GALNT13: variants seen among roughly 807,000 people sequenced by gnomAD.
GALNT13 encodes polypeptide N-acetylgalactosaminyltransferase 13, also known as UDP-GalNAc:polypeptide N-acetylgalactosaminyltransferase 13.
Under a neutral mutation model 64.2 loss-of-function variants are expected in GALNT13, and 28 were observed. The observed-to-expected ratio is 0.44, with a 90% CI of 0.32 to 0.60. GALNT13 has a LOEUF of 0.60. GALNT13 is among the 20% of genes least tolerant of loss of function. GALNT13 has a pLI of 0.05. For synonymous variants in GALNT13, 214 were observed against 224.6 expected (o/e 0.95, Z 0.42); for missense variants, 577 against 669.8 (o/e 0.86, Z 1.53).
the GALNT13 span, among the ~76,000 whole-genome samples, chr2:153,774,755 A>G: frequency 6.6e-6 from 1 of 152,064 alleles, no homozygotes; most frequent in Non-Finnish European, 1.5e-5. Flanking sequence ...AAACTAAACT[A>G]AACAAAAAAA....
chr2:153,989,232 C>G (rs1574275620), intron 3 of GALNT13, among the ~76,000 whole-genome samples: 1 of 151,964 alleles, frequency 6.6e-6, no homozygotes, highest in East Asian at 1.9e-4. Flanking sequence ...CCTATATAAT[C>G]TAGAATCAAC....
intron 7 of GALNT13, among the ~76,000 whole-genome samples, chr2:154,251,236 C>T (rs551069588): frequency 7.3e-4 from 111 of 152,006 alleles, no homozygotes; most frequent in African/African-American, 2.6e-3. Flanking sequence ...TCCCAGCTGG[C>T]CCCATTGTTT....
the GALNT13 span, among the ~76,000 whole-genome samples, chr2:153,630,811 T>TA: frequency 1.3e-3 from 34 of 25,808 alleles, no homozygotes; most frequent in African/African-American, 2.7e-3. Flanking sequence ...ATATATATTT[T>TA]TTTTTTTTTT....
chr2:153,223,860 C>T, the GALNT13 span, among the ~76,000 whole-genome samples: 2 of 152,044 alleles, frequency 1.3e-5, no homozygotes, highest in African/African-American at 4.8e-5. Flanking sequence ...ATCCCAGCTA[C>T]TCAGGAGGCT....
intron 3 of GALNT13, among the ~76,000 whole-genome samples, chr2:153,951,698 A>G (rs1427082608): frequency 1.3e-5 from 2 of 152,126 alleles, no homozygotes; most frequent in Admixed American, 1.3e-4. Flanking sequence ...TATGCCTGTT[A>G]GGGCTCTGAA....
At chr2:154,179,840 A>G (rs1040429460) in intron 4 of GALNT13, among the ~76,000 whole-genome samples, 7 of 152,038 alleles carry the variant, frequency 4.6e-5, no homozygotes, top group Admixed American at 2.6e-4. Flanking sequence ...AAAAAAAAAA[A>G]AAAATCTTAA....
chr2:154,136,348 AATT>A (rs1254038100), intron 3 of GALNT13, among the ~76,000 whole-genome samples: 3 of 152,138 alleles, frequency 2.0e-5, no homozygotes, highest in Non-Finnish European at 4.4e-5. Flanking sequence ...AACAGAATAA[AATT>A]ATTACTTTAA....
chr2:153,785,805 GA>G, the GALNT13 span, among the ~76,000 whole-genome samples: 2 of 152,108 alleles, frequency 1.3e-5, no homozygotes, highest in Non-Finnish European at 2.9e-5. Flanking sequence ...GGGCGTGGGG[GA>G]TGCCATATTT....
At chr2:154,269,153 A>G (rs1691184076) in intron 8 of GALNT13, among the ~76,000 whole-genome samples, 2 of 152,120 alleles carry the variant, frequency 1.3e-5, no homozygotes, top group Non-Finnish European at 1.5e-5. Context: ...ATTGAACAGA[A>G]TAGTATGGTA....
intron 4 of GALNT13, among the ~76,000 whole-genome samples, chr2:154,211,273 C>G (rs1019540476): frequency 6.6e-6 from 1 of 152,026 alleles, no homozygotes; most frequent in South Asian, 2.1e-4. Flanking sequence ...ACTGTACTGA[C>G]TACGGTAGGC....
At chr2:153,600,551 A>C in the GALNT13 span, among the ~76,000 whole-genome samples, 101 of 151,884 alleles carry the variant, frequency 6.6e-4, 1 homozygote, top group Admixed American at 1.9e-3. Context: ...TCATTTTCCA[A>C]CTCCTGGGTC....
the GALNT13 span, among the ~76,000 whole-genome samples, chr2:153,163,845 C>T: frequency 1.3e-5 from 2 of 151,960 alleles, no homozygotes; most frequent in South Asian, 2.1e-4. Flanking sequence ...CGGTGAAACC[C>T]CATCTCTACT....
intron 3 of GALNT13, among the ~76,000 whole-genome samples, chr2:154,014,924 G>T (rs140716408): frequency 1.3e-5 from 2 of 151,972 alleles, no homozygotes; most frequent in Non-Finnish European, 2.9e-5. Flanking sequence ...GAGCCACCGC[G>T]CCCAGCCTCT....
rs569798251 is a variant in GALNT13, at chr2:154,413,877, A to G, written c.1395+4795A>G. ...TATTGTTTAACATACAATATTTATAAAAGTTCATTGTTATAAACCAGGCCC... is the reference window on the plus strand; with the variant it reads ...TATTGTTTAACATACAATATTTATAGAAGTTCATTGTTATAAACCAGGCCC... On this transcript the variant is annotated intron_variant, in intron 11 of 12. Coordinates refer to ENST00000392825, the MANE Select transcript of GALNT13 (RefSeq NM_052917.4). Among the ~76,000 whole-genome samples, 3 of 152,198 alleles carry G rather than the reference A, an allele frequency of 2.0e-5. No homozygotes were observed. In the East Asian group the frequency reaches 5.8e-4, roughly 29 times the overall value.
At chr2:153,100,656 T>C in the GALNT13 span, among the ~76,000 whole-genome samples, 1 of 152,228 alleles carries the variant, frequency 6.6e-6, no homozygotes, top group Non-Finnish European at 1.5e-5. Context: ...TATGTAAGTA[T>C]ATAAATGTCT....
At chr2:153,225,101 G>A in the GALNT13 span, among the ~76,000 whole-genome samples, 1 of 152,088 alleles carries the variant, frequency 6.6e-6, no homozygotes, top group Non-Finnish European at 1.5e-5. Context: ...TTAGAAGGAC[G>A]AATCCAACAA....
At chr2:154,095,585 C>G (rs980421327) in intron 3 of GALNT13, among the ~76,000 whole-genome samples, 3 of 151,710 alleles carry the variant, frequency 2.0e-5, no homozygotes, top group African/African-American at 7.3e-5. Context: ...TGCTTAATGC[C>G]TATGGTTTCC....
chr2:153,939,425 A>C (rs1490736032), intron 2 of GALNT13, among the ~76,000 whole-genome samples: 1 of 152,232 alleles, frequency 6.6e-6, no homozygotes, highest in African/African-American at 2.4e-5. Context: ...CAATTTATTT[A>C]ATCAAAAGTT....
chr2:153,215,199 G>C, the GALNT13 span, among the ~76,000 whole-genome samples: 1 of 151,996 alleles, frequency 6.6e-6, no homozygotes, highest in South Asian at 2.1e-4. Flanking sequence ...TCCCCCTCCA[G>C]CTTCTTGCTC....
Sources: gnomAD v4.1 joint callset for allele counts (sites outside exome capture counted in the v4.1 genomes callset) on GRCh38, gnomAD v4.1.1 for gene constraint, MANE v1.5 for transcripts, NCBI Gene and HGNC (gene_info 2026-07-23, HGNC 2026-07-21) for gene names.